TRIP12: variants seen among roughly 807,000 people sequenced by gnomAD.
TRIP12 encodes thyroid hormone receptor interactor 12, also known as E3 ubiquitin-protein ligase TRIP12.
TRIP12 carries 25 observed loss-of-function variants against 244.2 expected under a neutral mutation model. That is an observed-to-expected ratio of 0.10 (90% CI 0.07 to 0.14). TRIP12 has a LOEUF of 0.14. Among genes scored for constraint, TRIP12 ranks in the 10% least tolerant of loss-of-function variants. The pLI is 1.00. For missense variants in TRIP12, 1,677 were observed against 2,486.4 expected, an observed-to-expected ratio of 0.67 and a Z score of 6.92; for synonymous variants, 905 against 873.1, an observed-to-expected ratio of 1.04 and a Z score of -0.64.
chr2:229,818,218 G>C (rs1210394109), intron 9 of TRIP12, 146 bp downstream of exon 9: 1 of 876,874 alleles, frequency 1.1e-6, no homozygotes, highest in Non-Finnish European at 1.7e-6. Context: ...CTGTAAGCAT[G>C]AAATACAAGC....
intron 14 of TRIP12, 40 bp downstream of exon 14, chr2:229,811,096 A>C: frequency 6.2e-7 from 1 of 1,613,660 alleles, no homozygotes; most frequent in Non-Finnish European, 8.5e-7. Context: ...TCAGCAATTC[A>C]ACAACCTCAT....
At chr2:229,850,843 G>A (rs957073323) in intron 4 of TRIP12, among the ~76,000 whole-genome samples, 2 of 152,250 alleles carry the variant, frequency 1.3e-5, no homozygotes, top group African/African-American at 4.8e-5. Context: ...CCCAGGCAAT[G>A]AGGGGCTCAG....
At chr2:229,768,904 C>T (rs2154226152) in intron 40 of TRIP12, among the ~76,000 whole-genome samples, 185 bp from the exon 41 acceptor site, 1 of 152,306 alleles carries the variant, frequency 6.6e-6, no homozygotes, top group African/African-American at 2.4e-5. Flanking sequence ...GGAATGATTA[C>T]AGTTGTAATA....
chr2:229,773,020 T>C (rs1425260759), intron 38 of TRIP12, among the ~76,000 whole-genome samples: 1 of 151,994 alleles, frequency 6.6e-6, no homozygotes, highest in Non-Finnish European at 1.5e-5. Context: ...GTGTTCAATA[T>C]AAAATTATTT....
At chr2:229,877,490 A>G (rs1455930639) in intron 2 of TRIP12, among the ~76,000 whole-genome samples, 2 of 152,368 alleles carry the variant, frequency 1.3e-5, no homozygotes, top group Admixed American at 6.5e-5. Context: ...CAGAGATCAC[A>G]GCACTGCACT....
intron 4 of TRIP12, 93 bp downstream of exon 4, chr2:229,858,679 G>A: frequency 9.0e-7 from 1 of 1,105,216 alleles, no homozygotes. Context: ...TAAGACTGGG[G>A]GGAAAAAACC....
intron 1 of TRIP12, among the ~76,000 whole-genome samples, chr2:229,911,873 GA>G (rs146856057): frequency 2.7e-5 from 4 of 146,844 alleles, no homozygotes; most frequent in Admixed American, 6.8e-5. Flanking sequence ...GTAATGGCTA[GA>G]AAAAAAAAAC....
At chr2:229,806,104 C>T (rs1470254467) in intron 17 of TRIP12, 2 of 381,964 alleles carry the variant, frequency 5.2e-6, no homozygotes, top group Non-Finnish European at 9.5e-6. Flanking sequence ...CAAGCCTTAT[C>T]AGGGACCCTT....
In TRIP12 at chr2:229,765,986, C is replaced by T. The variant is rs943106768; in HGVS notation, c.*1568G>A. The T allele has an allele frequency of 2.6e-5, 4 of 152,044 alleles. No individual in the cohort carries two copies. In the East Asian group the frequency reaches 5.8e-4, roughly 22 times the overall value. 9.4% of individuals were successfully genotyped at this position (152,044 alleles called of 1,614,324 possible). On this transcript the variant is annotated 3_prime_UTR_variant, in exon 42 of 42. Coordinates refer to ENST00000675903, the MANE Select transcript of TRIP12 (RefSeq NM_001348323.3). ...AAGGCCATTTAAGTGTAAATTGACACAGCAATCTATGTCAAACAAGCCACT... is the reference window on the plus strand; with the variant it reads ...AAGGCCATTTAAGTGTAAATTGACATAGCAATCTATGTCAAACAAGCCACT...
At chr2:229,899,011 C>T (rs1187330803) in intron 1 of TRIP12, among the ~76,000 whole-genome samples, 1 of 152,186 alleles carries the variant, frequency 6.6e-6, no homozygotes, top group African/African-American at 2.4e-5. Flanking sequence ...TAAAAGTCAT[C>T]AGCAAGAAAC....
chr2:229,769,226 C>T lies in TRIP12; in HGVS notation c.5903+5G>A, dbSNP rs1272912525. ...ACAGAAAAACTGGCAGACCCCAGTA[C>T]TTACCTGTCATGAGTATAACCATGA... On this transcript the variant is annotated splice_donor_5th_base_variant and intron_variant, in intron 40 of 41. Transcript: ENST00000675903. The T allele has an allele frequency of 4.3e-6, 7 of 1,611,686 alleles. No homozygotes were observed. Among genetic ancestry groups the T allele is most frequent in the Admixed American group, 1.7e-5 (1 of 59,612 alleles).
chr2:229,898,571 T>C (rs2069593935), intron 1 of TRIP12, among the ~76,000 whole-genome samples: 1 of 152,172 alleles, frequency 6.6e-6, no homozygotes, highest in South Asian at 2.1e-4. Context: ...AAAGGGTAAA[T>C]TCAAATCAAA....
chr2:229,894,819 T>C (rs1427529168), intron 1 of TRIP12, among the ~76,000 whole-genome samples: 4 of 152,160 alleles, frequency 2.6e-5, no homozygotes, highest in Non-Finnish European at 5.9e-5. Flanking sequence ...ACATTCTTGT[T>C]AAAATACAGG....
At chr2:229,912,715 T>C (rs1018631651) in intron 1 of TRIP12, among the ~76,000 whole-genome samples, 1 of 152,232 alleles carries the variant, frequency 6.6e-6, no homozygotes, top group African/African-American at 2.4e-5. Context: ...CAATGTTAGA[T>C]GTTGTGTGCT....
chr2:229,794,220 G>T (rs2042234403), intron 26 of TRIP12, among the ~76,000 whole-genome samples: 1 of 152,032 alleles, frequency 6.6e-6, no homozygotes. Context: ...AAATGCATAT[G>T]GTTTTTAATT....
intron 38 of TRIP12, among the ~76,000 whole-genome samples, chr2:229,772,299 A>C (rs934419308): frequency 6.6e-6 from 1 of 152,236 alleles, no homozygotes; most frequent in Admixed American, 6.5e-5. Context: ...AGTATAAATT[A>C]TTTTGAGATA....
chr2:229,790,183 G>A (rs2041092848), intron 30 of TRIP12, among the ~76,000 whole-genome samples: 1 of 152,094 alleles, frequency 6.6e-6, no homozygotes, highest in Non-Finnish European at 1.5e-5. Flanking sequence ...AAAGAGACTT[G>A]GTTATTTAAT....
At chr2:229,792,086 G>A in intron 28 of TRIP12, 21 bp from the exon 29 acceptor site, 1 of 1,613,932 alleles carries the variant, frequency 6.2e-7, no homozygotes, top group African/African-American at 1.3e-5. Context: ...CAAAGCAAAA[G>A]CCATTTAAGC....
At position 229,872,104 on chromosome 2, in the gene TRIP12, TAAAAAAAAAA is replaced by T. The variant is rs34496202; in HGVS notation, c.98+7868_98+7877del. Among the ~76,000 whole-genome samples, 526 of 105,260 alleles carry T rather than the reference TAAAAAAAAAA, an allele frequency of 5.0e-3. 2 individuals are homozygous for T. The highest frequency in any genetic ancestry group is 4.8e-3 in the Non-Finnish European group (253 of 52,676). The allele number at this position is 105,260 out of a possible 152,430, so 69.1% of individuals were successfully genotyped here. On this transcript the variant is annotated intron_variant, in intron 2 of 41. Coordinates refer to ENST00000675903, the MANE Select transcript of TRIP12 (RefSeq NM_001348323.3). ...AATATAGTTTTAATGACAGATATTG[TAAAAAAAAAA>T]AAAAAAAAAAAAAAAAAAGAAGCCT... is the stretch of plus-strand genomic sequence containing the variant.
Sources: gnomAD v4.1 joint callset for allele counts (sites outside exome capture counted in the v4.1 genomes callset) on GRCh38, gnomAD v4.1.1 for gene constraint, MANE v1.5 for transcripts, NCBI Gene and HGNC (gene_info 2026-07-23, HGNC 2026-07-21) for gene names.